The following CTNNA3 variants were observed in gnomAD, a reference collection of about 807,000 sequenced individuals.
CTNNA3 encodes catenin alpha-3.
Under a neutral mutation model 95.7 loss-of-function variants are expected in CTNNA3, and 76 were observed. That is an observed-to-expected ratio of 0.79 (90% confidence interval 0.66 to 0.96). The LOEUF (loss-of-function observed/expected upper bound fraction) is 0.96. Ranked by LOEUF, CTNNA3 falls within the 40% of genes least tolerant of loss-of-function variation. The pLI is 0.00. For missense variants in CTNNA3, 1,191 were observed against 1,089.8 expected (o/e 1.09, Z -1.31); for synonymous variants, 431 against 374.4 (o/e 1.15, Z -1.74).
chr10:66,593,962 T>C (rs932515209), intron 10 of CTNNA3, among the ~76,000 whole-genome samples: 1 of 151,964 alleles, frequency 6.6e-6, no homozygotes, highest in African/African-American at 2.4e-5. Flanking sequence ...CCAATGGTTT[T>C]AAATATCAAA....
chr10:66,178,017 C>T (rs548849642), intron 13 of CTNNA3, among the ~76,000 whole-genome samples: 11 of 151,464 alleles, frequency 7.3e-5, no homozygotes, highest in African/African-American at 2.4e-4. Flanking sequence ...ATGTTTATGC[C>T]TAGCTAACAT....
intron 5 of CTNNA3, among the ~76,000 whole-genome samples, chr10:67,325,552 G>C (rs1216260931): frequency 6.6e-6 from 1 of 152,002 alleles, no homozygotes; most frequent in African/African-American, 2.4e-5. Flanking sequence ...GAGTGAATTT[G>C]TTAGTCTTGA....
chr10:67,587,383 T>C (rs1448388674), intron 3 of CTNNA3, among the ~76,000 whole-genome samples: 1 of 152,006 alleles, frequency 6.6e-6, no homozygotes, highest in Non-Finnish European at 1.5e-5. Flanking sequence ...CCCTTGGGAA[T>C]TTCTTGTAGG....
Position 66,356,504 on chromosome 10 carries a change from T to C in CTNNA3, c.1732+22648A>G, listed in dbSNP as rs151334436. Reference sequence around the variant, plus strand: ...ATTTTGGTTTCCAATTGTTCATTGCTAGCACGTATAAATATAATAGATCTT... The same window carrying C: ...ATTTTGGTTTCCAATTGTTCATTGCCAGCACGTATAAATATAATAGATCTT... On this transcript the variant is annotated intron_variant, in intron 12 of 17. Coordinates refer to ENST00000433211, the MANE Select transcript of CTNNA3 (RefSeq NM_013266.4). 3.7e-3 allele frequency among the ~76,000 whole-genome samples: 564 copies of C among 152,180 alleles called. 9 individuals are homozygous for C. The highest frequency in any genetic ancestry group is 0.012 in the East Asian group (64 of 5,180).
chr10:66,553,620 T>C (rs111818393), intron 10 of CTNNA3, among the ~76,000 whole-genome samples: 4 of 132,692 alleles, frequency 3.0e-5, no homozygotes, highest in South Asian at 2.6e-4. Flanking sequence ...CTCTGCCTCC[T>C]GGGTTCACAC....
intron 12 of CTNNA3, among the ~76,000 whole-genome samples, chr10:66,361,452 T>G (rs1409616087): frequency 6.8e-6 from 1 of 146,602 alleles, no homozygotes; most frequent in Non-Finnish European, 1.5e-5. Flanking sequence ...CTTTCTCTCT[T>G]TCTTTATCTT....
chr10:67,626,331 G>A (rs1313014597), intron 2 of CTNNA3, among the ~76,000 whole-genome samples: 2 of 152,038 alleles, frequency 1.3e-5, no homozygotes, highest in Non-Finnish European at 2.9e-5. Context: ...TTTTCTTCCA[G>A]AGGTCTTTGT....
At chr10:66,658,485 T>C (rs1589083260) in intron 9 of CTNNA3, among the ~76,000 whole-genome samples, 2 of 152,150 alleles carry the variant, frequency 1.3e-5, no homozygotes, top group South Asian at 4.1e-4. Context: ...GTGGGGGAAT[T>C]ATTCTGCCTC....
chr10:66,112,715 C>A (rs1421762827), intron 13 of CTNNA3, among the ~76,000 whole-genome samples: 1 of 152,064 alleles, frequency 6.6e-6, no homozygotes, highest in Non-Finnish European at 1.5e-5. Context: ...TAAGGCAAAT[C>A]ATGCAGTATT....
intron 7 of CTNNA3, among the ~76,000 whole-genome samples, chr10:67,074,367 T>C (rs1589700137): frequency 1.1e-5 from 1 of 88,150 alleles, no homozygotes; most frequent in Admixed American, 1.1e-4. Flanking sequence ...TTTTTTTTTT[T>C]TGAGACGGAG....
At chr10:66,005,480 C>T (rs2078860582) in intron 15 of CTNNA3, among the ~76,000 whole-genome samples, 1 of 152,090 alleles carries the variant, frequency 6.6e-6, no homozygotes, top group African/African-American at 2.4e-5. Flanking sequence ...GTTCTTGGTT[C>T]TTAATTATTT....
At chr10:67,293,455 C>G (rs1279411867) in intron 5 of CTNNA3, among the ~76,000 whole-genome samples, 1 of 152,144 alleles carries the variant, frequency 6.6e-6, no homozygotes, top group Non-Finnish European at 1.5e-5. Flanking sequence ...TTAAGGATTA[C>G]TTATGACTGG....
At position 66,021,852 on chromosome 10, in the gene CTNNA3, C is replaced by CTTTTTTTTTTTT. The variant is rs34671813; in HGVS notation, c.2160-33067_2160-33056dup. 1.4e-3 allele frequency among the ~76,000 whole-genome samples: 105 copies of CTTTTTTTTTTTT among 75,924 alleles called. 20 individuals are homozygous for CTTTTTTTTTTTT. The highest frequency in any genetic ancestry group is 5.0e-3 in the East Asian group (8 of 1,588). The allele number at this position is 75,924 out of a possible 152,430, so 49.8% of individuals were successfully genotyped here. A position where few individuals can be genotyped will look rare whatever the true frequency, so the allele number is the denominator to read the frequency against. On this transcript the variant is annotated intron_variant, in intron 15 of 17. Coordinates refer to ENST00000433211, the MANE Select transcript of CTNNA3 (RefSeq NM_013266.4). Reference sequence around the variant, plus strand: ...GGAAATTCCATATACAGGATCTTGGCTTTTTTTTTTTTTTTTAGATAGATA... The same window carrying CTTTTTTTTTTTT: ...GGAAATTCCATATACAGGATCTTGGCTTTTTTTTTTTTTTTTTTTTTTTTTTTTAGATAGATA...
chr10:66,006,660 C>G (rs1166305462), intron 15 of CTNNA3, among the ~76,000 whole-genome samples: 1 of 152,124 alleles, frequency 6.6e-6, no homozygotes, highest in Non-Finnish European at 1.5e-5. Context: ...TCCAGCTTCG[C>G]TTTAAACCAC....
chr10:66,962,633 G>A lies in CTNNA3; in HGVS notation c.1048-187109C>T, dbSNP rs12252372. Among the ~76,000 whole-genome samples the A allele has an allele frequency of 7.5e-3, 1,138 of 151,756 alleles. 16 individuals carry two copies. The highest frequency in any genetic ancestry group is 0.026 in the African/African-American group (1,083 of 41,372). ...TCACCATGTTGGCCAGGATGTTCTC[G>A]ATCTCCTGATCTCGTGATCTGCCTG... On this transcript the variant is annotated intron_variant, in intron 7 of 17. Transcript: ENST00000433211.
chr10:66,322,519 A>T (rs1379444234), intron 12 of CTNNA3, among the ~76,000 whole-genome samples: 1 of 152,088 alleles, frequency 6.6e-6, no homozygotes, highest in African/African-American at 2.4e-5. Context: ...ACCAGAGAGG[A>T]GGGCACTATG....
At chr10:67,273,385 T>G (rs1434049523) in intron 5 of CTNNA3, among the ~76,000 whole-genome samples, 1 of 152,082 alleles carries the variant, frequency 6.6e-6, no homozygotes, top group Non-Finnish European at 1.5e-5. Flanking sequence ...ATTATATTCA[T>G]TAGGGGAATG....
At chr10:67,737,084 C>A (rs1841307057) in intron 1 of CTNNA3, among the ~76,000 whole-genome samples, 1 of 152,086 alleles carries the variant, frequency 6.6e-6, no homozygotes, top group African/African-American at 2.4e-5. Context: ...CTGCCTCAGC[C>A]TCCTGAGTAG....
At chr10:65,927,288 T>C (rs140409819) in intron 17 of CTNNA3, among the ~76,000 whole-genome samples, 36 of 152,324 alleles carry the variant, frequency 2.4e-4, no homozygotes, top group Middle Eastern at 3.4e-3. Context: ...GATTAAAGAA[T>C]AAGCTCTGAA....
Sources: gnomAD v4.1 joint callset for allele counts (sites outside exome capture counted in the v4.1 genomes callset) on GRCh38, gnomAD v4.1.1 for gene constraint, MANE v1.5 for transcripts, NCBI Gene and HGNC (gene_info 2026-07-23, HGNC 2026-07-21) for gene names.